The following SLITRK3 variants were observed in gnomAD, a reference collection of about 807,000 sequenced individuals.
The protein encoded by SLITRK3 is SLIT and NTRK-like protein 3.
In SLITRK3, 16 loss-of-function variants were observed where a neutral mutation model predicts 63.6. The ratio of observed to expected loss-of-function variants is 0.25; its 90% confidence interval spans 0.17 to 0.38. The LOEUF (loss-of-function observed/expected upper bound fraction) is 0.38. SLITRK3 is among the 10% of genes least tolerant of loss of function. The probability of loss-of-function intolerance (pLI) is 1.00; values close to 1 mark genes in which losing one functional copy is unlikely to be tolerated. For synonymous variants in SLITRK3, 547 were observed against 451.6 expected (o/e 1.21, Z -2.68); for missense variants, 1,117 against 1,181.4 (o/e 0.95, Z 0.80).
intron 1 of SLITRK3, among the ~76,000 whole-genome samples, chr3:165,193,051 G>T (rs1019271553): frequency 6.6e-6 from 1 of 152,058 alleles, no homozygotes; most frequent in African/African-American, 2.4e-5. Flanking sequence ...AAGGGAACGC[G>T]CTTAGCATGG....
chr3:165,188,318 G>C lies in SLITRK3; in HGVS notation c.2513C>G (p.Pro838Arg), dbSNP rs755072192. 3.0e-5 allele frequency: 48 copies of C among 1,613,882 alleles called. No individual in the cohort carries two copies. The highest frequency in any genetic ancestry group is 3.7e-5 in the Non-Finnish European group (44 of 1,179,998). The stretch of plus-strand genomic sequence containing the variant: ...AACCCCACCAACTGCTGGGTGGTGA[G>C]GGTGATGGTGATTCACCGTCACTAT... ...NTIVTVNHHH[P>R]HHPAVGGVSG... The change falls in exon 2 of 2, where the codon CCT becomes CGT. Residue 838 changes from proline (P) to arginine (R), a missense_variant. Coordinates refer to ENST00000475390, the MANE Select transcript of SLITRK3 (RefSeq NM_001318810.2).
At chr3:165,191,589 C>T (rs1175913757) in intron 1 of SLITRK3, among the ~76,000 whole-genome samples, 4 of 152,142 alleles carry the variant, frequency 2.6e-5, no homozygotes, top group African/African-American at 9.7e-5. Context: ...TATCATTTGA[C>T]TATTTAAAAC....
chr3:165,188,684 C>A lies in SLITRK3; in HGVS notation c.2147G>T (p.Gly716Val). 6.2e-7 allele frequency: 1 copy of A among 1,614,102 alleles called. No homozygotes were observed. Among genetic ancestry groups the A allele is most frequent in the Middle Eastern group, 1.6e-4 (1 of 6,062 alleles). ...TCGACCACCACCCCCACTTCCGCCA[C>A]CACCACCTCCACCATCCTCAAACAG... The part of the protein sequence containing the change: ...HRLFEDGGGG[G>V]GGSGGGGRPT... The change falls in exon 2 of 2, where the codon GGT (glycine) becomes GTT (valine). Residue 716 changes from glycine (G) to valine (V), a missense_variant. Gly to Val is a moderately radical substitution (Grantham distance 109). Coordinates refer to ENST00000475390, the MANE Select transcript of SLITRK3 (RefSeq NM_001318810.2).
chr3:165,187,871 A>T lies in SLITRK3; in HGVS notation c.*26T>A. 1 of 1,511,650 alleles carries T rather than the reference A, an allele frequency of 6.6e-7. No homozygotes were observed. The highest frequency in any genetic ancestry group is 8.9e-7 in the Non-Finnish European group (1 of 1,119,948). 93.6% of individuals were successfully genotyped at this position (1,511,650 alleles called of 1,614,324 possible). On this transcript the variant is annotated 3_prime_UTR_variant, in exon 2 of 2. Transcript: ENST00000475390. ...TTTCCTTTTCTTTTGAAAAAAAAAA[A>T]GCACTAATATATTTTCTTCTCTCTG... is the stretch of plus-strand genomic sequence containing the variant.
rs781274991 is a variant in SLITRK3 at position 165,188,512 on chromosome 3, C to G, written c.2319G>C (p.Gly773=). 1.9e-6 allele frequency: 3 copies of G among 1,613,938 alleles called. No individual in the cohort carries two copies. The African/African-American group carries it at 4.0e-5, about 22-fold the overall frequency. The change falls in exon 2 of 2, where the codon GGG becomes GGC. Residue 773 remains glycine (G), a synonymous_variant. Coordinates refer to ENST00000475390, the MANE Select transcript of SLITRK3 (RefSeq NM_001318810.2). The part of the protein sequence containing the change: ...EVAVSSAQEA[G]SAERGGPGTQ... The stretch of plus-strand genomic sequence containing the variant: ...TCCCTGGACCCCCACGTTCTGCACT[C>G]CCTGCTTCTTGGGCTGATGAAACAG...
rs371891184 is a variant in SLITRK3 at position 165,189,484 on chromosome 3, A to G, written c.1347T>C (p.Asp449=). The change falls in exon 2 of 2, where the codon GAT becomes GAC. Residue 449 remains aspartate (D), a synonymous_variant. Transcript: ENST00000475390. This position sits in a 1 kb window ranked among gnomAD's most constrained non-coding sequence, Gnocchi z 4.0. ...LGNNRISYVQ[D]GAFINLPNLK... Reference sequence around the variant, plus strand: ...AGTTGGGCAAGTTGATAAAGGCCCCATCTTGGACATAGGAAATACGATTGT... The same window carrying G: ...AGTTGGGCAAGTTGATAAAGGCCCCGTCTTGGACATAGGAAATACGATTGT... 11 of 1,613,636 alleles carry G rather than the reference A, an allele frequency of 6.8e-6. No individual in the cohort carries two copies. Among genetic ancestry groups the G allele is most frequent in the Non-Finnish European group, 9.3e-6 (11 of 1,180,036 alleles).
At position 165,188,816 on chromosome 3, in the gene SLITRK3, G is replaced by A; in HGVS notation, c.2015C>T (p.Ala672Val). The A allele has an allele frequency of 6.2e-7, 1 of 1,614,164 alleles. No individual in the cohort carries two copies. Among genetic ancestry groups the A allele is most frequent in the Non-Finnish European group, 8.5e-7 (1 of 1,180,038 alleles). The change falls in exon 2 of 2, where the codon GCA becomes GTA. Residue 672 changes from alanine to valine, a missense_variant. By Grantham distance (64) the Ala-to-Val change is moderately conservative (BLOSUM62 0). Around this residue, in one of 4 missense-constraint regions of SLITRK3, gnomAD observed 499 missense variants for 463.6 expected, o/e 1.08. Transcript: ENST00000475390. ...TCGGAGCACGTAGGCAAAGAGGCCT[G>A]CAGCAACAAAGACTGCTGAGAAAAA... ...VLFFSAVFVA[A>V]GLFAYVLRRR...
intron 1 of SLITRK3, among the ~76,000 whole-genome samples, chr3:165,193,106 AGTGTGTGTGTGTGT>A (rs35240347): frequency 1.4e-5 from 2 of 143,340 alleles, no homozygotes; most frequent in African/African-American, 5.2e-5. Context: ...CAGTTGAGTG[AGTGTGTGTGTGTGT>A]GTGTGTGTGT....
Position 165,187,816 on chromosome 3 carries a change from TA to T in SLITRK3, c.*80del. The T allele has an allele frequency of 8.3e-7, 1 of 1,207,964 alleles. No individual in the cohort carries two copies. The highest frequency in any genetic ancestry group is 1.2e-6 in the Non-Finnish European group (1 of 856,750). The allele number at this position is 1,207,964 out of a possible 1,614,324, so 74.8% of individuals were successfully genotyped here. On this transcript the variant is annotated 3_prime_UTR_variant, in exon 2 of 2. Transcript: ENST00000475390. Reference sequence around the variant, plus strand: ...GAGGATGGAGTTACTGGGACAAGTGTAAAGGGAGCAAGGGATATATTTCTTT... The same window carrying T: ...GAGGATGGAGTTACTGGGACAAGTGTAAGGGAGCAAGGGATATATTTCTTT...
rs955873099 is a variant in SLITRK3, at chr3:165,190,297, C to A, written c.534G>T (p.Leu178=). Residue 178 remains leucine (L), a synonymous_variant, in exon 2 of 2, where the codon CTG becomes CTT. Coordinates refer to ENST00000475390, the MANE Select transcript of SLITRK3 (RefSeq NM_001318810.2). ...AFRNLSKLRV[L]ILNDNLIPML... is the part of the protein sequence containing the mutation. ...TGGGGATGAGATTATCATTTAAAAT[C>A]AGAACCCTCAATTTACTTAGGTTCC... 3 of 1,614,180 alleles carry A rather than the reference C, an allele frequency of 1.9e-6. No homozygotes were observed. In the African/African-American group the frequency reaches 4.0e-5, roughly 22 times the overall value.
chr3:165,189,634 G>A lies in SLITRK3; in HGVS notation c.1197C>T (p.Asn399=). The A allele has an allele frequency of 6.2e-7, 1 of 1,614,220 alleles. No individual in the cohort carries two copies. Reference sequence around the variant, plus strand: ...AGGGCCTTGGAAGAAGTTCAGAAATGTTATTAAATCCTCGCTCTTTGCAGT... The same window carrying A: ...AGGGCCTTGGAAGAAGTTCAGAAATATTATTAAATCCTCGCTCTTTGCAGT... ...TVNCKERGFN[N]ISELLPRPLN... is the part of the protein sequence containing the mutation. Residue 399 remains asparagine (N), a synonymous_variant, in exon 2 of 2, where the codon AAC becomes AAT. Coordinates refer to ENST00000475390, the MANE Select transcript of SLITRK3 (RefSeq NM_001318810.2). This position sits in a 1 kb window ranked among gnomAD's most constrained non-coding sequence, Gnocchi z 4.0.
At chr3:165,196,877 C>CTCTCTCTCTGTCTCTCTCTG (rs1718443832), upstream of SLITRK3, 1 of 123,586 alleles carries the variant, frequency 8.1e-6, no homozygotes, top group East Asian at 2.2e-4. Flanking sequence ...CAAGTGATCT[C>CTCTCTCTCTGTCTCTCTCTG]TCTCTCTCTC....
At chr3:165,195,018 C>A (rs138745386) in intron 1 of SLITRK3, among the ~76,000 whole-genome samples, 1 of 152,066 alleles carries the variant, frequency 6.6e-6, no homozygotes, top group African/African-American at 2.4e-5. Context: ...TGCTGTGCCC[C>A]CTTCCCACTT....
chr3:165,187,915 C>T lies in SLITRK3; in HGVS notation c.2916G>A (p.Lys972=). The T allele has an allele frequency of 5.0e-6, 8 of 1,611,292 alleles. No individual in the cohort carries two copies. Among genetic ancestry groups the T allele is most frequent in the Non-Finnish European group, 6.8e-6 (8 of 1,179,128 alleles). ...CTCTCTGTTAGAACCTGTATGTTGT[C>T]TTCTCCAGGACTTCGAGGTAATCCG... is the stretch of plus-strand genomic sequence containing the variant. ...TKPDYLEVLE[K]TTYRF The change falls in exon 2 of 2, where the codon AAG becomes AAA. Residue 972 remains lysine (K), a synonymous_variant. Transcript: ENST00000475390.
rs1718010917 is a variant in SLITRK3, at chr3:165,187,842, T to C, written c.*55A>G. On this transcript the variant is annotated 3_prime_UTR_variant, in exon 2 of 2. Transcript: ENST00000475390. ...AAAGGGAGCAAGGGATATATTTCTTTTATTTTCCTTTTCTTTTGAAAAAAA... is the reference window on the plus strand; with the variant it reads ...AAAGGGAGCAAGGGATATATTTCTTCTATTTTCCTTTTCTTTTGAAAAAAA... 1 of 1,419,904 alleles carries C rather than the reference T, an allele frequency of 7.0e-7. No homozygotes were observed. Among genetic ancestry groups the C allele is most frequent in the Non-Finnish European group, 9.6e-7 (1 of 1,041,666 alleles). 88.0% of individuals were successfully genotyped at this position (1,419,904 alleles called of 1,614,324 possible).
chr3:165,192,650 A>C (rs1234719433), intron 1 of SLITRK3, among the ~76,000 whole-genome samples: 1 of 151,316 alleles, frequency 6.6e-6, no homozygotes, highest in Non-Finnish European at 1.5e-5. Context: ...GCTGAAGCTG[A>C]AGCAAAAGGG....
At chr3:165,196,459 G>C (rs940017434), upstream of SLITRK3, 1 of 153,360 alleles carries the variant, frequency 6.5e-6, no homozygotes, top group African/African-American at 2.4e-5. Flanking sequence ...AGGGGGAGGG[G>C]ACTGCTGAAC....
In SLITRK3 at chr3:165,188,942, G is replaced by A. The variant is rs770289020; in HGVS notation, c.1889C>T (p.Ser630Phe). 1.1e-5 allele frequency: 17 copies of A among 1,614,006 alleles called. No individual in the cohort carries two copies. Among genetic ancestry groups the A allele is most frequent in the Non-Finnish European group, 8.5e-7 (1 of 1,179,990 alleles). ...ACTGGTTGGTGCCCCAATAAGGTGA[G>A]AATCTCCAGGCTGGGCTGGGGATTC... Reference protein sequence around the residue: ...AGESPAQPGDSHLIGAPTSAS... With the variant: ...AGESPAQPGDFHLIGAPTSAS... The change falls in exon 2 of 2, where the codon TCT becomes TTT. Residue 630 changes from serine to phenylalanine, a missense_variant. By Grantham distance (155) the Ser-to-Phe change is radical. This residue lies in a region of SLITRK3 where 499 missense variants were observed against 463.6 expected (regional missense o/e 1.08). Transcript: ENST00000475390.
At chr3:165,194,808 C>G (rs7636798) in intron 1 of SLITRK3, among the ~76,000 whole-genome samples, 28 of 152,308 alleles carry the variant, frequency 1.8e-4, no homozygotes, top group Non-Finnish European at 3.7e-4. Flanking sequence ...AAACCCCTTA[C>G]GTTCTGGACC....
Sources: allele counts gnomAD v4.1 joint callset (sites outside exome capture counted in the v4.1 genomes callset), GRCh38; gene constraint gnomAD v4.1.1; regional missense constraint gnomAD v4.1.1; non-coding constraint Gnocchi (gnomAD v3.1); transcripts MANE v1.5; gene names NCBI Gene and HGNC (gene_info 2026-07-23, HGNC 2026-07-21).